The following IGSF11 variants were observed in gnomAD, a reference collection of about 807,000 sequenced individuals.
The protein encoded by IGSF11 is immunoglobulin superfamily member 11, also known as CXADR like 1.
In IGSF11, 22 loss-of-function variants were observed where a neutral mutation model predicts 41.0. The ratio of observed to expected loss-of-function variants is 0.54; its 90% CI spans 0.38 to 0.77. The LOEUF is 0.77. Ranked by LOEUF, IGSF11 falls within the 30% of genes least tolerant of loss-of-function variation. The probability of loss-of-function intolerance (pLI) is 0.00; values close to 1 mark genes in which losing one functional copy is unlikely to be tolerated. For synonymous variants in IGSF11, 219 were observed against 201.3 expected, an observed-to-expected ratio of 1.09 and a Z score of -0.74; for missense variants, 444 against 530.8, an observed-to-expected ratio of 0.84 and a Z score of 1.61.
At chr3:118,961,359 T>C (rs56728928) in intron 1 of IGSF11, among the ~76,000 whole-genome samples, 11,990 of 152,264 alleles carry the variant, frequency 0.079, 674 homozygotes, top group Admixed American at 0.16. Flanking sequence ...GGCTCTTTCA[T>C]ACATCCCCAC....
At chr3:119,076,905 G>A (rs550671646) in intron 1 of IGSF11, among the ~76,000 whole-genome samples, 5 of 152,202 alleles carry the variant, frequency 3.3e-5, no homozygotes, top group South Asian at 2.1e-4. Flanking sequence ...TTGACCCAGC[G>A]ATCCCATTAC....
intron 1 of IGSF11, among the ~76,000 whole-genome samples, chr3:118,953,162 T>C (rs1944698667): frequency 6.6e-6 from 1 of 152,168 alleles, no homozygotes; most frequent in Non-Finnish European, 1.5e-5. Context: ...TTTCTATTCC[T>C]GAGTTACTTC....
intron 1 of IGSF11, among the ~76,000 whole-genome samples, chr3:119,047,543 T>C (rs1201327523): frequency 6.6e-6 from 1 of 152,122 alleles, no homozygotes; most frequent in South Asian, 2.1e-4. Flanking sequence ...CACACATTAA[T>C]AATGGGAGAA....
At chr3:119,102,728 T>G (rs2076956725) in intron 1 of IGSF11, among the ~76,000 whole-genome samples, 1 of 152,200 alleles carries the variant, frequency 6.6e-6, no homozygotes, top group South Asian at 2.1e-4. Flanking sequence ...TGTTTCATTT[T>G]TCTTGCTTTT....
At chr3:119,053,940 G>A (rs1256421047) in intron 1 of IGSF11, among the ~76,000 whole-genome samples, 1 of 152,148 alleles carries the variant, frequency 6.6e-6, no homozygotes, top group Non-Finnish European at 1.5e-5. Flanking sequence ...TCAACAAATG[G>A]TGCTGGGATA....
At chr3:118,912,209 T>C (rs919221311) in intron 4 of IGSF11, among the ~76,000 whole-genome samples, 1 of 152,366 alleles carries the variant, frequency 6.6e-6, no homozygotes, top group East Asian at 1.9e-4. Context: ...AAGGTTATTC[T>C]CCCCTTTAAG....
chr3:118,998,458 A>T (rs1324969901), intron 1 of IGSF11, among the ~76,000 whole-genome samples: 1 of 151,872 alleles, frequency 6.6e-6, no homozygotes, highest in Non-Finnish European at 1.5e-5. Context: ...TGTCTCCAAT[A>T]CTTCAAAATC....
upstream of IGSF11, among the ~76,000 whole-genome samples, chr3:119,110,080 GAGAGTTCTGT>G (rs1331932329): frequency 6.6e-6 from 1 of 152,112 alleles, no homozygotes; most frequent in African/African-American, 2.4e-5. Context: ...ATTTGGGGTG[GAGAGTTCTGT>G]AGATGTCTAT....
chr3:119,050,586 G>A lies in IGSF11; in HGVS notation c.49+54558C>T, dbSNP rs562795174. ...GTTCAACCATTGTGGAAGTCAGTGT[G>A]GCGATTCCTCAGGGATCTAGAACTA... On this transcript the variant is annotated intron_variant, in intron 1 of 6. Coordinates refer to the IGSF11 transcript ENST00000354673. Among the ~76,000 whole-genome samples, 25 of 151,974 alleles carry A rather than the reference G, an allele frequency of 1.6e-4. 1 individual carries two copies. The South Asian group carries it at 5.2e-3, about 32-fold the overall frequency.
At chr3:119,040,456 T>C (rs1175928689) in intron 1 of IGSF11, among the ~76,000 whole-genome samples, 1 of 151,580 alleles carries the variant, frequency 6.6e-6, no homozygotes, top group Non-Finnish European at 1.5e-5. Flanking sequence ...TCTATTGCAA[T>C]TCCCCTGTCT....
intron 1 of IGSF11, among the ~76,000 whole-genome samples, chr3:119,078,862 A>T (rs924406817): frequency 6.6e-6 from 1 of 152,214 alleles, no homozygotes; most frequent in African/African-American, 2.4e-5. Flanking sequence ...ATTTAAACAA[A>T]TCAACAAGCA....
upstream of IGSF11, among the ~76,000 whole-genome samples, chr3:119,106,634 C>T (rs954789234): frequency 1.8e-4 from 27 of 152,156 alleles, no homozygotes; most frequent in Admixed American, 1.3e-3. Context: ...ATGTGCACAA[C>T]GTGCGGGTTA....
intron 1 of IGSF11, among the ~76,000 whole-genome samples, chr3:119,031,764 C>G (rs964490882): frequency 6.6e-6 from 1 of 152,202 alleles, no homozygotes; most frequent in Non-Finnish European, 1.5e-5. Flanking sequence ...TTTTTACTAA[C>G]AGGTGAATCC....
intron 1 of IGSF11, among the ~76,000 whole-genome samples, chr3:119,033,818 T>C (rs567874842): frequency 1.3e-5 from 2 of 152,330 alleles, no homozygotes; most frequent in South Asian, 4.1e-4. Flanking sequence ...ATTAATATGA[T>C]GGCTATTCAC....
chr3:119,046,620 T>C (rs976110861), intron 1 of IGSF11, among the ~76,000 whole-genome samples: 3 of 151,778 alleles, frequency 2.0e-5, no homozygotes, highest in Middle Eastern at 3.2e-3. Context: ...CAGGCCAACA[T>C]TCAGATTCAG....
At chr3:119,111,320 T>A (rs1319230037) in intron 1 of IGSF11, among the ~76,000 whole-genome samples, 7 of 152,210 alleles carry the variant, frequency 4.6e-5, no homozygotes, top group African/African-American at 1.7e-4. Context: ...AAACTTCCCT[T>A]CTTGCTTCAT....
At chr3:119,040,755 T>C (rs932294020) in intron 1 of IGSF11, among the ~76,000 whole-genome samples, 2 of 152,220 alleles carry the variant, frequency 1.3e-5, no homozygotes, top group African/African-American at 4.8e-5. Flanking sequence ...ATATTTTGAA[T>C]GGATGAATCA....
intron 1 of IGSF11, among the ~76,000 whole-genome samples, 155 bp downstream of exon 1, chr3:119,034,376 G>T (rs1652354809): frequency 6.6e-6 from 1 of 152,182 alleles, no homozygotes; most frequent in African/African-American, 2.4e-5. Context: ...AGGTGCGCGC[G>T]AGCCTCGGCC....
intron 1 of IGSF11, among the ~76,000 whole-genome samples, chr3:119,092,022 T>C (rs1342746789): frequency 6.6e-6 from 1 of 151,634 alleles, no homozygotes; most frequent in African/African-American, 2.4e-5. Flanking sequence ...GTTTTTTCTT[T>C]TGTTTTTGAG....
Sources: allele counts gnomAD v4.1 joint callset (sites outside exome capture counted in the v4.1 genomes callset), GRCh38; gene constraint gnomAD v4.1.1; transcripts MANE v1.5; gene names NCBI Gene and HGNC (gene_info 2026-07-23, HGNC 2026-07-21).